Variants in PSMA2 observed in about 807,000 individuals in gnomAD.
The protein encoded by PSMA2 is proteasome 20S subunit alpha 2.
In PSMA2, 2 loss-of-function variants were observed where a neutral mutation model predicts 35.9. The ratio of observed to expected loss-of-function variants is 0.06; its 90% CI spans 0.02 to 0.18. The LOEUF is 0.18. PSMA2 is among the 10% of genes least tolerant of loss of function. PSMA2 has a pLI of 1.00. For synonymous variants in PSMA2, 97 were observed against 98.2 expected (o/e 0.99, Z 0.07); for missense variants, 126 against 278.8 (o/e 0.45, Z 3.90).
chr7:42,926,901 A>G (rs1029441846), intron 2 of PSMA2, among the ~76,000 whole-genome samples: 2 of 152,198 alleles, frequency 1.3e-5, no homozygotes, highest in Non-Finnish European at 2.9e-5. Context: ...GTATTACATA[A>G]ACTTTTGTAA....
chr7:42,923,328 T>G lies in PSMA2; in HGVS notation c.453A>C (p.Pro151=), dbSNP rs34419533. The change falls in exon 5 of 8, where the codon CCA becomes CCC. Residue 151 remains proline, a synonymous_variant. Coordinates refer to ENST00000223321, the MANE Select transcript of PSMA2 (RefSeq NM_002787.5). ...EGRPYLFQSD[P]SGAYFAWKAT... Reference sequence around the variant, plus strand: ...AAATACATTAAATGATACTTACAGATGGATCTGACTGAAATAAATATGGTC... The same window carrying G: ...AAATACATTAAATGATACTTACAGAGGGATCTGACTGAAATAAATATGGTC... 9 of 1,598,532 alleles carry G rather than the reference T, an allele frequency of 5.6e-6. No homozygotes were observed. Among genetic ancestry groups the G allele is most frequent in the Non-Finnish European group, 7.7e-6 (9 of 1,166,220 alleles).
At chr7:42,930,997 G>A (rs1786298792) in intron 1 of PSMA2, 2 of 300,314 alleles carry the variant, frequency 6.7e-6, no homozygotes, top group Admixed American at 9.3e-5. Context: ...ACTGCCAAGA[G>A]AAAAGTACTT....
chr7:42,918,135 C>T (rs912441450), intron 6 of PSMA2: 1 of 169,706 alleles, frequency 5.9e-6, no homozygotes, highest in Admixed American at 6.3e-5. Context: ...CTCCCGGGCT[C>T]ATGCCATTCT....
rs910648761 is a variant in PSMA2 at position 42,924,659 on chromosome 7, A to T, written c.374+16T>A. 1 of 1,599,772 alleles carries T rather than the reference A, an allele frequency of 6.3e-7. No individual in the cohort carries two copies. Among genetic ancestry groups the T allele is most frequent in the Non-Finnish European group, 8.5e-7 (1 of 1,172,436 alleles). On this transcript the variant is annotated intron_variant, in intron 4 of 7. Transcript: ENST00000223321. ...CTACAATTCATGGCACATTTCAAGT[A>T]AAAAAAGCAACTTACCCTGACTGAG...
intron 6 of PSMA2, chr7:42,919,517 T>G: frequency 2.0e-6 from 1 of 511,444 alleles, no homozygotes; most frequent in Non-Finnish European, 3.9e-6. Flanking sequence ...ATAAACAGAT[T>G]CTTTCTTCTG....
Position 42,924,810 on chromosome 7 carries a change from AAAT to A in PSMA2, c.252-16_252-14del, listed in dbSNP as rs1562701919. 6.2e-7 allele frequency: 1 copy of A among 1,603,964 alleles called. No individual in the cohort carries two copies. The highest frequency in any genetic ancestry group is 2.2e-5 in the East Asian group (1 of 44,552). On this transcript the variant is annotated splice_polypyrimidine_tract_variant and intron_variant, in intron 3 of 7. Transcript: ENST00000223321. ...GTGCACAAGCACTCTAACAAGGAAA[AAAT>A]AAGATTTAATTACACAGAACATGCT...
intron 6 of PSMA2, chr7:42,919,494 TG>T: frequency 1.9e-6 from 1 of 522,446 alleles, no homozygotes; most frequent in South Asian, 1.6e-5. Flanking sequence ...AAAGGCCCTA[TG>T]GTACAGTGAG....
intron 3 of PSMA2, among the ~76,000 whole-genome samples, chr7:42,926,161 C>T (rs527724283): frequency 2.4e-4 from 36 of 152,180 alleles, no homozygotes; most frequent in Non-Finnish European, 4.7e-4. Flanking sequence ...TTGCCTCATA[C>T]TTTTTAAAAT....
chr7:42,930,349 C>CTTGG (rs372514867), intron 1 of PSMA2, among the ~76,000 whole-genome samples: 4 of 152,184 alleles, frequency 2.6e-5, no homozygotes, highest in African/African-American at 9.6e-5. Flanking sequence ...ATCCTAAACT[C>CTTGG]TTGGGTTCAA....
At chr7:42,926,506 G>C (rs749406416) in intron 3 of PSMA2, 30 bp downstream of exon 3, 1 of 1,536,976 alleles carries the variant, frequency 6.5e-7, no homozygotes, top group African/African-American at 1.4e-5. Flanking sequence ...TCATGAGATG[G>C]TGAGAAACAC....
At chr7:42,921,011 A>C (rs957599218) in intron 6 of PSMA2, 2 of 152,150 alleles carry the variant, frequency 1.3e-5, no homozygotes, top group African/African-American at 4.8e-5. Context: ...GGGAGAAGGG[A>C]AGAAGAACTG....
At position 42,917,673 on chromosome 7, in the gene PSMA2, T is replaced by C. The variant is rs772878169; in HGVS notation, c.606A>G (p.Gln202=). Residue 202 remains glutamine (Q), a synonymous_variant, in exon 8 of 8, where the codon CAA becomes CAG. Transcript: ENST00000223321. ...CAACTTCTATGTTATCCTCTGTCAT[T>C]TGCCCTTCAAAGCTTTCCTATTGAG... ...ILTLKESFEG[Q]MTEDNIEVGI... is the part of the protein sequence containing the mutation. 1.9e-6 allele frequency: 3 copies of C among 1,613,918 alleles called. No individual in the cohort carries two copies. Among genetic ancestry groups the C allele is most frequent in the Non-Finnish European group, 2.5e-6 (3 of 1,179,930 alleles).
chr7:42,927,504 A>G (rs1301961386), intron 1 of PSMA2, 45 bp from the exon 2 acceptor site: 2 of 1,548,850 alleles, frequency 1.3e-6, no homozygotes, highest in Admixed American at 3.3e-5. Context: ...ATCATCAAAT[A>G]TTTATTGTAA....
At position 42,925,500 on chromosome 7, in the gene PSMA2, T is replaced by A. The variant is rs559802263; in HGVS notation, c.252-703A>T. Among the ~76,000 whole-genome samples the A allele has an allele frequency of 2.0e-5, 3 of 152,352 alleles. No homozygotes were observed. The East Asian group carries it at 5.8e-4, about 29-fold the overall frequency. ...TTTCCTTTCTGACATATTCCTCTTCTACTATACAGGAACTGGGCATAAGGC... is the reference window on the plus strand; with the variant it reads ...TTTCCTTTCTGACATATTCCTCTTCAACTATACAGGAACTGGGCATAAGGC... On this transcript the variant is annotated intron_variant, in intron 3 of 7. Coordinates refer to ENST00000223321, the MANE Select transcript of PSMA2 (RefSeq NM_002787.5).
rs114904824 is a variant in PSMA2 at position 42,929,904 on chromosome 7, G to C, written c.41+2214C>G. Reference sequence around the variant, plus strand: ...TTATTCCTGAATCTTCAAATAGCTGGTTACTTTTAATCTTCCAGTCTCAAA... The same window carrying C: ...TTATTCCTGAATCTTCAAATAGCTGCTTACTTTTAATCTTCCAGTCTCAAA... On this transcript the variant is annotated intron_variant, in intron 1 of 7. Coordinates refer to ENST00000223321, the MANE Select transcript of PSMA2 (RefSeq NM_002787.5). Among the ~76,000 whole-genome samples the C allele has an allele frequency of 7.6e-3, 1,163 of 152,098 alleles. 16 individuals carry two copies. The highest frequency in any genetic ancestry group is 0.026 in the African/African-American group (1,088 of 41,472).
At position 42,917,431 on chromosome 7, in the gene PSMA2, G is replaced by C. The variant is rs1786048914; in HGVS notation, c.*143C>G. 7 of 635,028 alleles carry C rather than the reference G, an allele frequency of 1.1e-5. No individual in the cohort carries two copies. The South Asian group carries it at 1.6e-4, about 14-fold the overall frequency. The allele number at this position is 635,028 out of a possible 1,614,324, so 39.3% of individuals were successfully genotyped here. On this transcript the variant is annotated 3_prime_UTR_variant, in exon 8 of 8. Coordinates refer to ENST00000223321, the MANE Select transcript of PSMA2 (RefSeq NM_002787.5). Reference sequence around the variant, plus strand: ...GGAAGGTGGGTTTAACAGTTTATTAGGATTTATAAGTGTCATTTTAAAAAC... The same window carrying C: ...GGAAGGTGGGTTTAACAGTTTATTACGATTTATAAGTGTCATTTTAAAAAC...
intron 1 of PSMA2, among the ~76,000 whole-genome samples, chr7:42,929,706 G>A (rs752555214): frequency 3.3e-5 from 5 of 152,068 alleles, no homozygotes; most frequent in African/African-American, 2.4e-5. Context: ...CTTTGTTCAC[G>A]TAAAATAAAA....
At chr7:42,926,735 T>G in intron 2 of PSMA2, 67 bp from the exon 3 acceptor site, 1 of 1,466,516 alleles carries the variant, frequency 6.8e-7, no homozygotes, top group Admixed American at 2.5e-5. Flanking sequence ...GCTTTCTAAT[T>G]ATGGATGCGC....
chr7:42,928,670 T>C (rs1450125081), intron 1 of PSMA2, among the ~76,000 whole-genome samples: 1 of 152,216 alleles, frequency 6.6e-6, no homozygotes, highest in Non-Finnish European at 1.5e-5. Context: ...CGTCTACTAA[T>C]GAAAATATAA....
Sources: gnomAD v4.1 joint callset for allele counts (sites outside exome capture counted in the v4.1 genomes callset) on GRCh38, gnomAD v4.1.1 for gene constraint, MANE v1.5 for transcripts, NCBI Gene and HGNC (gene_info 2026-07-23, HGNC 2026-07-21) for gene names.